Variants in CFAP251 observed in about 807,000 individuals in gnomAD.
The protein encoded by CFAP251 is cilia and flagella associated protein 251, also known as cilia- and flagella-associated protein 251.
In CFAP251, 93 loss-of-function variants were observed where a neutral mutation model predicts 126.7. The observed-to-expected ratio is 0.73, with a 90% CI of 0.62 to 0.87. CFAP251 has a LOEUF of 0.87. Ranked by LOEUF, CFAP251 falls within the 40% of genes least tolerant of loss-of-function variation. The pLI is 0.00. For missense variants in CFAP251, 1,287 were observed against 1,389.2 expected (o/e 0.93, Z 1.17); for synonymous variants, 503 against 506.9 (o/e 0.99, Z 0.10).
At chr12:121,926,021 AT>A (rs35760212) in intron 3 of CFAP251, among the ~76,000 whole-genome samples, 23,739 of 97,288 alleles carry the variant, frequency 0.24, 2,892 homozygotes, top group East Asian at 0.48. Flanking sequence ...ATTTTTTGTA[AT>A]TTTTTTTTTT....
chr12:121,930,748 CTTT>C (rs72062810), intron 3 of CFAP251, among the ~76,000 whole-genome samples: 37 of 109,854 alleles, frequency 3.4e-4, no homozygotes, highest in African/African-American at 4.9e-4. Flanking sequence ...AATTGCCTTT[CTTT>C]TTTTTTTTTT....
At chr12:121,951,563 AT>A in intron 9 of CFAP251, 33 bp downstream of exon 9, 1 of 1,522,654 alleles carries the variant, frequency 6.6e-7, no homozygotes, top group Non-Finnish European at 9.1e-7. Flanking sequence ...TGTCCATCAG[AT>A]TTTGTGGAGA....
chr12:121,994,010 C>A (rs1430533991), intron 19 of CFAP251, among the ~76,000 whole-genome samples: 2 of 24,442 alleles, frequency 8.2e-5, no homozygotes, highest in Admixed American at 2.5e-4. Flanking sequence ...CCGCCCCGTC[C>A]GGGAGGGAGG....
rs1021654558 is a variant in CFAP251 at position 121,931,154 on chromosome 12, T to C, written c.748-592T>C. ...TTCACAACGTTAGGTGCTCACTGTG[T>C]GTCTGGTATTGAACAAAGTTTAGGT... On this transcript the variant is annotated intron_variant, in intron 3 of 21. Transcript: ENST00000288912. Among the ~76,000 whole-genome samples the C allele has an allele frequency of 2.6e-4, 40 of 152,232 alleles. 2 individuals carry two copies. Among genetic ancestry groups the C allele is most frequent in the Non-Finnish European group, 2.9e-5 (2 of 68,036 alleles).
Position 121,921,296 on chromosome 12 carries a change from A to G in CFAP251, c.-10A>G, listed in dbSNP as rs1295919745. ...TCAAAATCTCTCTAGAGGAAACTCT[A>G]CAGAGAAGAATGTCAGATGCAGCAG... On this transcript the variant is annotated 5_prime_UTR_variant, in exon 2 of 22. Coordinates refer to ENST00000288912, the MANE Select transcript of CFAP251 (RefSeq NM_144668.6). The G allele has an allele frequency of 1.3e-6, 2 of 1,570,812 alleles. No homozygotes were observed. Among genetic ancestry groups the G allele is most frequent in the South Asian group, 2.4e-5 (2 of 82,326 alleles).
intron 19 of CFAP251, among the ~76,000 whole-genome samples, chr12:121,992,958 TCTCCCA>T (rs75291177): frequency 0.47 from 62,357 of 131,468 alleles, 16,223 homozygotes; most frequent in Middle Eastern, 0.54. Context: ...TCCCTCTCCC[TCTCCCA>T]CTCCCTCTCC....
rs201858767 is a variant in CFAP251, at chr12:121,934,313, A to T, written c.955A>T (p.Lys319Ter). 1 of 1,614,130 alleles carries T rather than the reference A, an allele frequency of 6.2e-7. No homozygotes were observed. The highest frequency in any genetic ancestry group is 2.2e-5 in the East Asian group (1 of 44,882). ...CAGGCGGTGGATCGCCACAGCAGAC[A>T]AAGGGCCAGACTGCCTGGTGATTAT... ...EDRRWIATAD[K>*]GPDCLVIIWD... The change falls in exon 5 of 22, where the codon AAA (lysine) becomes TAA (stop). Residue 319 changes from lysine to a stop codon, truncating the protein, a stop_gained. Coordinates refer to ENST00000288912, the MANE Select transcript of CFAP251 (RefSeq NM_144668.6). LOFTEE classifies it high-confidence loss of function.
At chr12:121,970,947 C>T (rs928953204) in intron 17 of CFAP251, among the ~76,000 whole-genome samples, 5 of 152,198 alleles carry the variant, frequency 3.3e-5, no homozygotes, top group African/African-American at 1.2e-4. Context: ...AGTACAGCCC[C>T]CTGGCCCCTC....
At chr12:121,933,192 T>C (rs550420327) in intron 4 of CFAP251, 1 of 152,302 alleles carries the variant, frequency 6.6e-6, no homozygotes, top group East Asian at 1.9e-4. Context: ...GAAAACGCTC[T>C]AAGGGAGAAA....
At chr12:121,921,790 T>TC in intron 2 of CFAP251, 107 bp downstream of exon 2, 5 of 1,027,568 alleles carry the variant, frequency 4.9e-6, no homozygotes, top group Non-Finnish European at 2.6e-6. Flanking sequence ...TACAATCCAT[T>TC]CCTTTTTTTT....
chr12:121,937,779 C>G (rs781067829), intron 5 of CFAP251, among the ~76,000 whole-genome samples: 7 of 152,136 alleles, frequency 4.6e-5, no homozygotes, highest in African/African-American at 9.7e-5. Flanking sequence ...ATTACCCAAC[C>G]CTGATCCTCA....
rs961007456 is a variant in CFAP251 at position 121,967,012 on chromosome 12, A to G, written c.2550A>G (p.Pro850=). The G allele has an allele frequency of 4.3e-6, 7 of 1,614,232 alleles. No individual in the cohort carries two copies. Among genetic ancestry groups the G allele is most frequent in the Non-Finnish European group, 5.1e-6 (6 of 1,180,028 alleles). The part of the protein sequence containing the change: ...GSPIEQTQVL[P]VRSMAELQKR... The stretch of plus-strand genomic sequence containing the variant: ...CTATTGAGCAGACACAAGTCCTCCC[A>G]GTGAGAAGCATGGCGGAGCTACAGA... Residue 850 remains proline, a synonymous_variant, in exon 16 of 22, where the codon CCA becomes CCG. Transcript: ENST00000288912.
At chr12:121,981,155 A>G (rs762404289) in intron 19 of CFAP251, among the ~76,000 whole-genome samples, 2 of 152,062 alleles carry the variant, frequency 1.3e-5, no homozygotes, top group Non-Finnish European at 2.9e-5. Context: ...AAGCAAACAC[A>G]AAAACAGAGA....
intron 17 of CFAP251, among the ~76,000 whole-genome samples, chr12:121,970,821 A>G (rs1020135194): frequency 1.7e-4 from 26 of 152,216 alleles, no homozygotes; most frequent in African/African-American, 5.5e-4. Flanking sequence ...TCTCTGCAGA[A>G]CTGGGTTTCC....
chr12:121,942,288 G>A (rs767205547), intron 5 of CFAP251, among the ~76,000 whole-genome samples: 8 of 151,810 alleles, frequency 5.3e-5, no homozygotes, highest in Non-Finnish European at 4.4e-5. Flanking sequence ...CATATGAGTG[G>A]ACTCATACAC....
chr12:121,964,825 G>C (rs1330913552), intron 15 of CFAP251, among the ~76,000 whole-genome samples: 2 of 152,132 alleles, frequency 1.3e-5, no homozygotes, highest in African/African-American at 4.8e-5. Context: ...CATGAACCCG[G>C]GAGGTGGAAG....
At chr12:121,922,943 C>G (rs1880248195) in intron 2 of CFAP251, among the ~76,000 whole-genome samples, 1 of 152,128 alleles carries the variant, frequency 6.6e-6, no homozygotes, top group Non-Finnish European at 1.5e-5. Context: ...GCGCCCGCCA[C>G]CACGCCCAGC....
intron 19 of CFAP251, among the ~76,000 whole-genome samples, chr12:121,982,367 A>T (rs983008436): frequency 6.8e-6 from 1 of 147,770 alleles, no homozygotes; most frequent in Admixed American, 6.7e-5. Context: ...TCACCACATC[A>T]TTCAGGATTC....
At chr12:121,978,032 A>G (rs943297903) in intron 19 of CFAP251, among the ~76,000 whole-genome samples, 2 of 151,862 alleles carry the variant, frequency 1.3e-5, no homozygotes, top group African/African-American at 4.8e-5. Flanking sequence ...TTGATACCAC[A>G]TGGAATATGT....
Sources: gnomAD v4.1 joint callset for allele counts (sites outside exome capture counted in the v4.1 genomes callset) on GRCh38, gnomAD v4.1.1 for gene constraint, MANE v1.5 for transcripts, NCBI Gene and HGNC (gene_info 2026-07-23, HGNC 2026-07-21) for gene names.